SEC14L2: variants seen among roughly 807,000 people sequenced by gnomAD.
SEC14L2 encodes SEC14-like protein 2.
Under a neutral mutation model 56.9 loss-of-function variants are expected in SEC14L2, and 50 were observed. The observed-to-expected ratio is 0.88, with a 90% CI of 0.70 to 1.11. The LOEUF (loss-of-function observed/expected upper bound fraction) is 1.11, where lower values mean the gene tolerates loss of function less well. Ranked by LOEUF, SEC14L2 falls within the 50% of genes most tolerant of loss-of-function variation. The probability of loss-of-function intolerance (pLI) is 0.00; values close to 1 mark genes in which losing one functional copy is unlikely to be tolerated. For synonymous variants in SEC14L2, 179 were observed against 188.5 expected (o/e 0.95, Z 0.41); for missense variants, 414 against 500.7 (o/e 0.83, Z 1.65).
At chr22:30,408,818 G>A (rs1417389589) in intron 5 of SEC14L2, among the ~76,000 whole-genome samples, 1 of 152,244 alleles carries the variant, frequency 6.6e-6, no homozygotes, top group Non-Finnish European at 1.5e-5. Context: ...GCACCCCTGA[G>A]GGTTCAGGGT....
At chr22:30,413,427 G>A (rs1048904469) in intron 8 of SEC14L2, among the ~76,000 whole-genome samples, 30 of 152,092 alleles carry the variant, frequency 2.0e-4, no homozygotes, top group Admixed American at 1.9e-3. Flanking sequence ...GGCTAGAAAG[G>A]TAGATTGGGC....
At chr22:30,404,316 A>T (rs2283869) in intron 2 of SEC14L2, among the ~76,000 whole-genome samples, 47,206 of 152,048 alleles carry the variant, frequency 0.31, 7,458 homozygotes, top group East Asian at 0.37. Context: ...TTCTGCCAGG[A>T]CGTGTCCGGC....
rs1934394952 is a variant in SEC14L2 at position 30,416,467 on chromosome 22, C to T, written c.1081+64C>T. 4 of 1,613,184 alleles carry T rather than the reference C, an allele frequency of 2.5e-6. No individual in the cohort carries two copies. The East Asian group carries it at 6.7e-5, about 27-fold the overall frequency. On this transcript the variant is annotated intron_variant, in intron 11 of 11. Coordinates refer to ENST00000615189, the MANE Select transcript of SEC14L2 (RefSeq NM_012429.5). ...GTCCAGCTTTCTGCCTGTGAGGTTC[C>T]TCTTCCTCCATGGATTTTTGGCTCT...
chr22:30,416,943 G>T, intron 11 of SEC14L2: 2 of 789,752 alleles, frequency 2.5e-6, no homozygotes, highest in Non-Finnish European at 3.1e-6. Context: ...TCTTAACTTT[G>T]TAATACCATT....
intron 2 of SEC14L2, among the ~76,000 whole-genome samples, chr22:30,404,904 T>C (rs1029985629): frequency 3.3e-5 from 5 of 152,094 alleles, no homozygotes; most frequent in African/African-American, 1.2e-4. Context: ...ACCCCATCTC[T>C]ACTAAAAATA....
chr22:30,417,755 C>T (rs1281845411), intron 11 of SEC14L2, among the ~76,000 whole-genome samples: 3 of 152,224 alleles, frequency 2.0e-5, no homozygotes, highest in Admixed American at 1.3e-4. Context: ...CCCATTTCTA[C>T]GGTAGTACCA....
chr22:30,413,095 T>A (rs968769025), intron 8 of SEC14L2, among the ~76,000 whole-genome samples: 1 of 152,030 alleles, frequency 6.6e-6, no homozygotes, highest in African/African-American at 2.4e-5. Flanking sequence ...GGTCTGGAGA[T>A]TTGGGAGTTA....
intron 2 of SEC14L2, 40 bp from the exon 3 acceptor site, chr22:30,406,302 T>G: frequency 6.2e-7 from 1 of 1,611,856 alleles, no homozygotes; most frequent in South Asian, 1.1e-5. Context: ...CACCCAGTCC[T>G]GCTAACCTAA....
Position 30,408,959 on chromosome 22 carries a change from C to T in SEC14L2, c.424-228C>T, listed in dbSNP as rs926027391. On this transcript the variant is annotated intron_variant, in intron 5 of 11. Transcript: ENST00000615189. ...AGCCATCTCAGATGTCATCTAGATCCACCCAGTCATGTACTGGAAAAGAAC... is the reference window on the plus strand; with the variant it reads ...AGCCATCTCAGATGTCATCTAGATCTACCCAGTCATGTACTGGAAAAGAAC... 2.1e-5 allele frequency: 13 copies of T among 605,796 alleles called. No homozygotes were observed. In the South Asian group the frequency reaches 2.3e-4, roughly 11 times the overall value. 37.5% of individuals were successfully genotyped at this position (605,796 alleles called of 1,614,324 possible).
At chr22:30,407,702 C>T in intron 5 of SEC14L2, 99 bp downstream of exon 5, 1 of 987,976 alleles carries the variant, frequency 1.0e-6, no homozygotes, top group Non-Finnish European at 1.4e-6. Context: ...GCTTCAGGGC[C>T]AAGGCCCAGC....
intron 11 of SEC14L2, among the ~76,000 whole-genome samples, chr22:30,417,387 C>T (rs1934414910): frequency 6.6e-6 from 1 of 152,156 alleles, no homozygotes; most frequent in Non-Finnish European, 1.5e-5. Flanking sequence ...AAAAACCATA[C>T]CTACACTCCC....
chr22:30,406,953 T>C (rs1008879629), intron 3 of SEC14L2, 142 bp from the exon 4 acceptor site: 6 of 672,112 alleles, frequency 8.9e-6, no homozygotes, highest in Middle Eastern at 3.7e-4. Context: ...GATTTTGCCA[T>C]GTTGGCCAGG....
At chr22:30,399,898 C>CA (rs1933879195) in intron 2 of SEC14L2, among the ~76,000 whole-genome samples, 180 bp downstream of exon 2, 1 of 152,234 alleles carries the variant, frequency 6.6e-6, no homozygotes, top group African/African-American at 2.4e-5. Flanking sequence ...CACTGAGGCT[C>CA]AGAGAGGTCA....
chr22:30,404,009 C>CAAAAAAAAAAAA (rs67366822), intron 2 of SEC14L2, among the ~76,000 whole-genome samples: 4 of 93,222 alleles, frequency 4.3e-5, no homozygotes, highest in Non-Finnish European at 8.5e-5. Flanking sequence ...GACTCCGTCT[C>CAAAAAAAAAAAA]AAAAAAAAAA....
At chr22:30,400,558 CT>C (rs1338284274) in intron 2 of SEC14L2, 14 of 152,026 alleles carry the variant, frequency 9.2e-5, no homozygotes, top group Admixed American at 8.5e-4. Context: ...TTTTTTTCCC[CT>C]CTATATAGAA....
At chr22:30,397,950 A>C in intron 1 of SEC14L2, 1 of 465,314 alleles carries the variant, frequency 2.1e-6, no homozygotes, top group Non-Finnish European at 4.4e-6. Flanking sequence ...TCACGAACTA[A>C]ATCTCTTATC....
chr22:30,399,675 C>T lies in SEC14L2; in HGVS notation c.87C>T (p.Ala29=). The T allele has an allele frequency of 1.2e-6, 2 of 1,613,944 alleles. No individual in the cohort carries two copies. The highest frequency in any genetic ancestry group is 1.7e-6 in the Non-Finnish European group (2 of 1,179,944). Residue 29 remains alanine, a synonymous_variant, in exon 2 of 12, where the codon GCC becomes GCT. Transcript: ENST00000615189. ...AGAATGTCCAGGATGTGCTGCCGGCCCTGCCGAATCCAGATGACTATTTTC... is the reference window on the plus strand; with the variant it reads ...AGAATGTCCAGGATGTGCTGCCGGCTCTGCCGAATCCAGATGACTATTTTC... ...FRENVQDVLP[A]LPNPDDYFLL...
intron 5 of SEC14L2, among the ~76,000 whole-genome samples, chr22:30,408,566 C>T (rs1934161956): frequency 6.6e-6 from 1 of 152,206 alleles, no homozygotes; most frequent in African/African-American, 2.4e-5. Flanking sequence ...GCTTGGGCAA[C>T]AGGGCTAGAC....
chr22:30,402,103 C>G (rs1640629047), intron 2 of SEC14L2, among the ~76,000 whole-genome samples: 1 of 152,144 alleles, frequency 6.6e-6, no homozygotes, highest in Admixed American at 6.5e-5. Flanking sequence ...TCCATACCAT[C>G]CCCCTACCCC....
Sources: gnomAD v4.1 joint callset for allele counts (sites outside exome capture counted in the v4.1 genomes callset) on GRCh38, gnomAD v4.1.1 for gene constraint, MANE v1.5 for transcripts, NCBI Gene and HGNC (gene_info 2026-07-23, HGNC 2026-07-21) for gene names.